Variants in FMN2 observed in about 807,000 individuals in gnomAD.
FMN2 encodes the protein formin 2, also known as formin-2.
A neutral mutation model predicts 142.3 loss-of-function variants in FMN2; 51 were observed. The observed-to-expected ratio is 0.36, with a 90% CI of 0.29 to 0.45. The LOEUF (loss-of-function observed/expected upper bound fraction) is 0.45. Among genes scored for constraint, FMN2 ranks in the 20% least tolerant of loss-of-function variants. The pLI is 1.00. For synonymous variants in FMN2, 882 were observed against 869.8 expected, an observed-to-expected ratio of 1.01 and a Z score of -0.25; for missense variants, 1,936 against 2,122.8, an observed-to-expected ratio of 0.91 and a Z score of 1.73.
intron 16 of FMN2, among the ~76,000 whole-genome samples, chr1:240,465,403 T>G: frequency 6.6e-6 from 1 of 150,554 alleles, no homozygotes; most frequent in Non-Finnish European, 1.5e-5. Flanking sequence ...TTTCTCTTTT[T>G]TCTCTCCCTC....
chr1:240,177,293 A>G (rs1173759771), intron 2 of FMN2, among the ~76,000 whole-genome samples: 1 of 151,100 alleles, frequency 6.6e-6, no homozygotes, highest in Admixed American at 6.6e-5. Context: ...CTGCTTTCTC[A>G]TTCTGTCCAG....
intron 8 of FMN2, among the ~76,000 whole-genome samples, chr1:240,323,221 C>G (rs1671041458): frequency 6.6e-6 from 1 of 150,880 alleles, no homozygotes; most frequent in Non-Finnish European, 1.5e-5. Context: ...CTCTCACTCT[C>G]TCTCACTCTC....
chr1:240,390,871 T>A (rs1299777834), intron 14 of FMN2, among the ~76,000 whole-genome samples: 1 of 152,266 alleles, frequency 6.6e-6, no homozygotes, highest in Non-Finnish European at 1.5e-5. Flanking sequence ...TTCCTTCTTC[T>A]AATCTGCCTG....
chr1:240,437,345 G>C (rs1251594897), intron 15 of FMN2, among the ~76,000 whole-genome samples: 3 of 146,628 alleles, frequency 2.0e-5, no homozygotes, highest in Non-Finnish European at 4.4e-5. Flanking sequence ...CCCGGCTGGA[G>C]TGCAGTGGTG....
intron 15 of FMN2, among the ~76,000 whole-genome samples, chr1:240,407,404 G>T (rs1261848989): frequency 6.6e-6 from 1 of 152,144 alleles, no homozygotes; most frequent in Non-Finnish European, 1.5e-5. Context: ...CCCCCAGAGT[G>T]CTAGGATTAC....
chr1:240,252,768 T>TG (rs1029259680), intron 6 of FMN2, among the ~76,000 whole-genome samples: 3 of 151,936 alleles, frequency 2.0e-5, no homozygotes, highest in Admixed American at 6.6e-5. Flanking sequence ...TGTATCTATT[T>TG]GGGGATTTCT....
intron 15 of FMN2, among the ~76,000 whole-genome samples, chr1:240,424,201 A>G (rs956550507): frequency 6.6e-6 from 1 of 152,248 alleles, no homozygotes; most frequent in African/African-American, 2.4e-5. Flanking sequence ...GTCATATGAA[A>G]GAGTCAAAAC....
chr1:240,330,877 A>C (rs1671351606), intron 11 of FMN2, 128 bp downstream of exon 11: 3 of 1,152,138 alleles, frequency 2.6e-6, no homozygotes, highest in Non-Finnish European at 3.5e-6. Context: ...TTATGTTCTG[A>C]GCTAGAAAAA....
intron 15 of FMN2, among the ~76,000 whole-genome samples, chr1:240,400,156 A>G (rs764188177): frequency 3.3e-5 from 5 of 152,174 alleles, no homozygotes; most frequent in Non-Finnish European, 5.9e-5. Context: ...GCCAAGAAGG[A>G]TCCTTTTGGG....
At chr1:240,342,876 A>G (rs1297436586) in intron 13 of FMN2, among the ~76,000 whole-genome samples, 1 of 151,908 alleles carries the variant, frequency 6.6e-6, no homozygotes, top group African/African-American at 2.4e-5. Flanking sequence ...ATTTTTTTTC[A>G]TTATATGGAA....
intron 15 of FMN2, among the ~76,000 whole-genome samples, chr1:240,402,634 C>A (rs1269264093): frequency 6.6e-6 from 1 of 152,172 alleles, no homozygotes; most frequent in African/African-American, 2.4e-5. Flanking sequence ...TCAGCTTCTG[C>A]TTCTATTTTA....
intron 6 of FMN2, among the ~76,000 whole-genome samples, chr1:240,243,100 T>G (rs1246541960): frequency 2.0e-5 from 3 of 151,950 alleles, no homozygotes; most frequent in Non-Finnish European, 4.4e-5. Context: ...TAAGTAAGAC[T>G]GCAGTCTTCC....
chr1:240,299,001 A>T (rs968659619), intron 8 of FMN2, among the ~76,000 whole-genome samples: 5 of 151,550 alleles, frequency 3.3e-5, no homozygotes, highest in Admixed American at 2.0e-4. Flanking sequence ...CCCAAGCTGG[A>T]GTGCAGTGGC....
intron 15 of FMN2, among the ~76,000 whole-genome samples, chr1:240,405,837 A>G (rs985238502): frequency 3.9e-5 from 6 of 152,224 alleles, no homozygotes; most frequent in African/African-American, 1.4e-4. Flanking sequence ...TTATAAGGCA[A>G]ATCAGAAATC....
In FMN2 at chr1:240,392,507, T is replaced by G. The variant is rs1558468212; in HGVS notation, c.4859-4T>G. On this transcript the variant is annotated splice_polypyrimidine_tract_variant and splice_region_variant and intron_variant, in intron 14 of 17. Coordinates refer to ENST00000319653, the MANE Select transcript of FMN2 (RefSeq NM_020066.5). ...CATGTACTTTTATTTTCTTGCACTT[T>G]CAGCCAAAATTGACCAAGAGGCAGA... The G allele has an allele frequency of 1.2e-6, 2 of 1,610,248 alleles. No homozygotes were observed. The highest frequency in any genetic ancestry group is 1.7e-6 in the Non-Finnish European group (2 of 1,178,088).
At chr1:240,325,299 C>T (rs1357846063) in intron 8 of FMN2, among the ~76,000 whole-genome samples, 4 of 147,052 alleles carry the variant, frequency 2.7e-5, no homozygotes, top group South Asian at 2.1e-4. Context: ...GCTGAGATCG[C>T]GCCACTGCAC....
At chr1:240,307,866 G>A (rs927841419) in intron 8 of FMN2, among the ~76,000 whole-genome samples, 1 of 152,170 alleles carries the variant, frequency 6.6e-6, no homozygotes, top group Non-Finnish European at 1.5e-5. Context: ...CAACCCATGA[G>A]CATGGAATGC....
At position 240,127,387 on chromosome 1, in the gene FMN2, A is replaced by G. The variant is rs1330320558; in HGVS notation, c.1782+4042A>G. Among the ~76,000 whole-genome samples, 4 of 148,088 alleles carry G rather than the reference A, an allele frequency of 2.7e-5. No homozygotes were observed. In the East Asian group the frequency reaches 8.0e-4, roughly 30 times the overall value. On this transcript the variant is annotated intron_variant, in intron 2 of 17. Coordinates refer to ENST00000319653, the MANE Select transcript of FMN2 (RefSeq NM_020066.5). The stretch of plus-strand genomic sequence containing the variant: ...ATACCTGGCTTTTTTTTTTTTTTAA[A>G]TGGGAGCTTTTGGGAGGTTTTATGC...
At chr1:240,111,513 C>T (rs1042824427) in intron 1 of FMN2, among the ~76,000 whole-genome samples, 2 of 152,062 alleles carry the variant, frequency 1.3e-5, no homozygotes, top group East Asian at 1.9e-4. Flanking sequence ...GGGGAACTCC[C>T]TGATGTTGCC....
Sources: allele counts gnomAD v4.1 joint callset (sites outside exome capture counted in the v4.1 genomes callset), GRCh38; gene constraint gnomAD v4.1.1; transcripts MANE v1.5; gene names NCBI Gene and HGNC (gene_info 2026-07-23, HGNC 2026-07-21).